Variants in ZPLD1 observed in about 807,000 individuals in gnomAD.
ZPLD1 encodes the protein zona pellucida like domain containing 1.
In ZPLD1, 34 loss-of-function variants were observed where a neutral mutation model predicts 47.2. That is an observed-to-expected ratio of 0.72 (90% CI 0.55 to 0.96). ZPLD1 has a LOEUF of 0.96. Ranked by LOEUF, ZPLD1 falls within the 40% of genes least tolerant of loss-of-function variation. The pLI is 0.00. For synonymous variants in ZPLD1, 176 were observed against 186.2 expected (o/e 0.95, Z 0.45); for missense variants, 512 against 505.8 (o/e 1.01, Z -0.12).
upstream of ZPLD1, among the ~76,000 whole-genome samples, chr3:102,433,753 TCTC>T (rs1707046793): frequency 6.6e-6 from 1 of 152,076 alleles, no homozygotes; most frequent in Admixed American, 6.5e-5. Context: ...ATGGTCTCGA[TCTC>T]CTGACCTCGT....
chr3:102,429,389 A>G (rs1706988508), intron 8 of ZPLD1, among the ~76,000 whole-genome samples: 1 of 152,090 alleles, frequency 6.6e-6, no homozygotes, highest in African/African-American at 2.4e-5. Context: ...GTCTGGTAGG[A>G]CCATGGAATT....
chr3:102,464,327 CA>C, intron 8 of ZPLD1, 76 bp downstream of exon 8: 11 of 1,066,376 alleles, frequency 1.0e-5, no homozygotes, highest in Non-Finnish European at 1.6e-5. Flanking sequence ...ATATCTAAGT[CA>C]GATAAATTAT....
At chr3:102,477,405 T>C (rs1203228230) in intron 11 of ZPLD1, 38 bp from the exon 12 acceptor site, 2 of 1,590,494 alleles carry the variant, frequency 1.3e-6, no homozygotes, top group East Asian at 2.2e-5. Flanking sequence ...AAATATTATA[T>C]GGGGCCTTTA....
intron 2 of ZPLD1, among the ~76,000 whole-genome samples, chr3:102,437,730 C>G (rs1007157660): frequency 1.6e-4 from 24 of 152,312 alleles, no homozygotes; most frequent in Middle Eastern, 3.4e-3. Context: ...TTCTATTTAA[C>G]TGTTCAACCC....
chr3:102,455,885 T>C (rs1226163445), intron 4 of ZPLD1, among the ~76,000 whole-genome samples: 4 of 152,174 alleles, frequency 2.6e-5, no homozygotes, highest in Non-Finnish European at 5.9e-5. Context: ...TTTTCAGCCA[T>C]GCCAGAGAAT....
At chr3:102,444,133 C>G (rs894359876) in intron 3 of ZPLD1, among the ~76,000 whole-genome samples, 6 of 152,194 alleles carry the variant, frequency 3.9e-5, no homozygotes, top group Non-Finnish European at 8.8e-5. Context: ...TGAATTTTCA[C>G]TTTTTGTTTT....
At chr3:102,461,068 G>C (rs557389531) in intron 6 of ZPLD1, among the ~76,000 whole-genome samples, 1 of 151,796 alleles carries the variant, frequency 6.6e-6, no homozygotes, top group Non-Finnish European at 1.5e-5. Context: ...AAAATGTTTC[G>C]TATTAACTTT....
At chr3:102,392,515 C>T (rs139659990) in intron 7 of ZPLD1, among the ~76,000 whole-genome samples, 6 of 141,950 alleles carry the variant, frequency 4.2e-5, no homozygotes, top group African/African-American at 1.2e-4. Flanking sequence ...TTTCTTTCTT[C>T]CTTCCTTCCT....
intron 7 of ZPLD1, among the ~76,000 whole-genome samples, chr3:102,410,184 A>G (rs771205328): frequency 5.3e-5 from 8 of 151,736 alleles, no homozygotes; most frequent in Non-Finnish European, 8.8e-5. Context: ...TTGGACATGA[A>G]TATGTGGAAC....
chr3:102,455,629 G>A (rs1443652313), intron 4 of ZPLD1, among the ~76,000 whole-genome samples: 1 of 152,198 alleles, frequency 6.6e-6, no homozygotes, highest in African/African-American at 2.4e-5. Context: ...GATGGTCCCT[G>A]CCCACAAAGG....
At chr3:102,430,715 C>T (rs1333443078), upstream of ZPLD1, among the ~76,000 whole-genome samples, 1 of 152,138 alleles carries the variant, frequency 6.6e-6, no homozygotes, top group Non-Finnish European at 1.5e-5. Flanking sequence ...GGTTTATATT[C>T]AGCCAAAAGA....
At chr3:102,458,543 A>G (rs1707455170) in intron 6 of ZPLD1, among the ~76,000 whole-genome samples, 1 of 152,214 alleles carries the variant, frequency 6.6e-6, no homozygotes, top group African/African-American at 2.4e-5. Flanking sequence ...TCTGTAAATT[A>G]TGAATCGGAT....
chr3:102,471,280 C>A (rs771221840), intron 10 of ZPLD1, among the ~76,000 whole-genome samples: 1 of 152,192 alleles, frequency 6.6e-6, no homozygotes, highest in African/African-American at 2.4e-5. Context: ...CCAGACAATT[C>A]TCTCCCTAGA....
chr3:102,428,275 C>T (rs773980513), intron 8 of ZPLD1, among the ~76,000 whole-genome samples: 11 of 152,110 alleles, frequency 7.2e-5, no homozygotes, highest in East Asian at 1.9e-4. Context: ...TATGATTTTA[C>T]GGTTTAAAGA....
chr3:102,451,156 C>T (rs1272926280), intron 3 of ZPLD1, among the ~76,000 whole-genome samples: 1 of 151,964 alleles, frequency 6.6e-6, no homozygotes, highest in African/African-American at 2.4e-5. Context: ...TCACATTCCC[C>T]AAATATGACT....
chr3:102,470,576 A>C, intron 10 of ZPLD1, 74 bp downstream of exon 10: 1 of 1,210,458 alleles, frequency 8.3e-7, no homozygotes, highest in Non-Finnish European at 1.2e-6. Context: ...TCTAACGAGA[A>C]CTCAAAGTGG....
intron 8 of ZPLD1, among the ~76,000 whole-genome samples, chr3:102,427,078 A>G (rs533015860): frequency 2.5e-3 from 377 of 152,330 alleles, no homozygotes; most frequent in African/African-American, 8.6e-3. Context: ...ATTTTAAAAA[A>G]TCATGAACGT....
intron 8 of ZPLD1, among the ~76,000 whole-genome samples, chr3:102,427,530 T>A (rs924943227): frequency 1.3e-5 from 2 of 152,040 alleles, no homozygotes; most frequent in Admixed American, 6.6e-5. Flanking sequence ...ATAAAGGAGG[T>A]GATATTTGAA....
intron 6 of ZPLD1, among the ~76,000 whole-genome samples, chr3:102,386,382 T>A (rs1445258757): frequency 1.3e-5 from 2 of 151,512 alleles, no homozygotes; most frequent in Non-Finnish European, 2.9e-5. Context: ...TTACTCTCCA[T>A]TCTATAAATT....
Sources: allele counts gnomAD v4.1 joint callset (sites outside exome capture counted in the v4.1 genomes callset), GRCh38; gene constraint gnomAD v4.1.1; transcripts MANE v1.5; gene names NCBI Gene and HGNC (gene_info 2026-07-23, HGNC 2026-07-21).